RUNX1: variants seen among roughly 807,000 people sequenced by gnomAD.
RUNX1 encodes RUNX family transcription factor 1.
In RUNX1, 19 loss-of-function variants were observed where a neutral mutation model predicts 42.8. The observed-to-expected ratio is 0.44, with a 90% CI of 0.31 to 0.65. The LOEUF (loss-of-function observed/expected upper bound fraction) is 0.65, where lower values mean the gene tolerates loss of function less well. Ranked by LOEUF, RUNX1 falls within the 30% of genes least tolerant of loss-of-function variation. The pLI is 0.07. For missense variants in RUNX1, 528 were observed against 672.0 expected (o/e 0.79, Z 2.37); for synonymous variants, 271 against 289.4 (o/e 0.94, Z 0.64).
chr21:34,799,247 C>T (rs1286509977), intron 8 of RUNX1, 54 bp downstream of exon 8: 4 of 1,598,808 alleles, frequency 2.5e-6, no homozygotes, highest in Non-Finnish European at 3.4e-6. Flanking sequence ...CCTCTAGTCT[C>T]CTGGACCTTC....
chr21:34,910,503 T>C (rs1329485990), intron 2 of RUNX1, among the ~76,000 whole-genome samples: 1 of 152,156 alleles, frequency 6.6e-6, no homozygotes, highest in Non-Finnish European at 1.5e-5. Context: ...AAAGCCACTG[T>C]CGGTTGCCCT....
chr21:34,832,795 GATT>G (rs2057082158), intron 7 of RUNX1, among the ~76,000 whole-genome samples: 1 of 152,080 alleles, frequency 6.6e-6, no homozygotes, highest in Non-Finnish European at 1.5e-5. Flanking sequence ...CATTATTAAT[GATT>G]ATTATGTAAC....
chr21:34,919,327 T>C (rs1402564654), intron 2 of RUNX1, among the ~76,000 whole-genome samples: 1 of 152,222 alleles, frequency 6.6e-6, no homozygotes, highest in Admixed American at 6.5e-5. Context: ...ATCCCTGATC[T>C]GGTGACCAGT....
chr21:34,867,496 G>A (rs1431463829), intron 5 of RUNX1, among the ~76,000 whole-genome samples: 2 of 152,232 alleles, frequency 1.3e-5, no homozygotes, highest in East Asian at 3.9e-4. Context: ...CCTTTACAAC[G>A]TCGAATTTCA....
chr21:35,010,681 A>AC (rs1378446049), intron 2 of RUNX1, among the ~76,000 whole-genome samples: 2 of 151,992 alleles, frequency 1.3e-5, no homozygotes, highest in Non-Finnish European at 2.9e-5. Context: ...ACAGGAAACT[A>AC]CCCCAGGCCA....
intron 4 of RUNX1, among the ~76,000 whole-genome samples, chr21:34,886,015 A>T (rs1198828049): frequency 6.6e-6 from 1 of 152,224 alleles, no homozygotes; most frequent in Admixed American, 6.5e-5. Flanking sequence ...TTTGGGGATG[A>T]TCAGGGGTGA....
At chr21:34,973,280 A>T (rs2058775842) in intron 2 of RUNX1, among the ~76,000 whole-genome samples, 1 of 152,144 alleles carries the variant, frequency 6.6e-6, no homozygotes, top group South Asian at 2.1e-4. Flanking sequence ...GGTGTATTTG[A>T]TTGTCTCCCT....
chr21:34,889,770 C>T, intron 3 of RUNX1: 5 of 1,149,724 alleles, frequency 4.3e-6, no homozygotes, highest in Non-Finnish European at 5.4e-6. Context: ...CGCCCCCGGT[C>T]CGGCGTGCGC....
chr21:34,793,852 C>CG (rs1303394934), intron 8 of RUNX1, among the ~76,000 whole-genome samples: 5 of 151,732 alleles, frequency 3.3e-5, no homozygotes, highest in African/African-American at 1.2e-4. Flanking sequence ...TACAGGCGCC[C>CG]GCCACCAGGC....
At chr21:34,890,370 T>A (rs2058066772) in intron 3 of RUNX1, among the ~76,000 whole-genome samples, 1 of 152,118 alleles carries the variant, frequency 6.6e-6, no homozygotes, top group Admixed American at 6.5e-5. Context: ...AGAGCCCACT[T>A]GAGCTGGAAC....
chr21:34,948,922 G>A (rs2058586062), intron 2 of RUNX1, among the ~76,000 whole-genome samples: 1 of 151,950 alleles, frequency 6.6e-6, no homozygotes, highest in African/African-American at 2.4e-5. Flanking sequence ...CTTTTTGTGT[G>A]TGTGTGTATT....
At chr21:34,818,544 C>T (rs2056863927) in intron 7 of RUNX1, among the ~76,000 whole-genome samples, 1 of 152,082 alleles carries the variant, frequency 6.6e-6, no homozygotes, top group Admixed American at 6.5e-5. Context: ...TAACAAGGCC[C>T]TCATTGTCTC....
At chr21:34,889,280 C>A (rs915586483) in intron 3 of RUNX1, among the ~76,000 whole-genome samples, 1 of 152,110 alleles carries the variant, frequency 6.6e-6, no homozygotes, top group African/African-American at 2.4e-5. Flanking sequence ...CACCGTCCGG[C>A]TGGCAGCTGC....
chr21:34,825,999 T>G (rs1287243635), intron 7 of RUNX1, among the ~76,000 whole-genome samples: 1 of 152,238 alleles, frequency 6.6e-6, no homozygotes, highest in African/African-American at 2.4e-5. Flanking sequence ...GCCAACACTT[T>G]GATTTTGGAC....
intron 2 of RUNX1, among the ~76,000 whole-genome samples, chr21:34,984,041 A>G (rs2058866747): frequency 6.6e-6 from 1 of 152,188 alleles, no homozygotes; most frequent in African/African-American, 2.4e-5. Flanking sequence ...ATTGAAAATA[A>G]GGCCAGCACC....
intron 6 of RUNX1, among the ~76,000 whole-genome samples, chr21:34,854,539 C>T (rs927206441): frequency 1.3e-5 from 2 of 150,662 alleles, no homozygotes; most frequent in East Asian, 1.9e-4. Flanking sequence ...GAGCCAAGAT[C>T]GCACCACTGC....
At chr21:34,795,063 A>G (rs181778299) in intron 8 of RUNX1, among the ~76,000 whole-genome samples, 15 of 152,350 alleles carry the variant, frequency 9.8e-5, no homozygotes, top group Admixed American at 3.3e-4. Flanking sequence ...CAGCAAATCC[A>G]CAGACAGCAA....
chr21:34,827,236 G>A (rs1601402965), intron 7 of RUNX1, among the ~76,000 whole-genome samples: 1 of 152,198 alleles, frequency 6.6e-6, no homozygotes, highest in Non-Finnish European at 1.5e-5. Flanking sequence ...TAAGAGGGAT[G>A]AACTAGGATA....
rs1332806381 is a variant in RUNX1 at position 34,791,970 on chromosome 21, G to C, written c.*165C>G. 9 of 435,440 alleles carry C rather than the reference G, an allele frequency of 2.1e-5. No homozygotes were observed. The highest frequency in any genetic ancestry group is 2.5e-5 in the Non-Finnish European group (6 of 240,882). The allele number at this position is 435,440 out of a possible 1,614,324, so 27.0% of individuals were successfully genotyped here. A position where few individuals can be genotyped will look rare whatever the true frequency, so the allele number is the denominator to read the frequency against. ...GGCTTCTGGGCGCAGGAGGCTGCGC[G>C]GGCCTGACCTACAGCGAGATCCTGG... On this transcript the variant is annotated 3_prime_UTR_variant, in exon 9 of 9. Coordinates refer to ENST00000675419, the MANE Select transcript of RUNX1 (RefSeq NM_001754.5).
Sources: gnomAD v4.1 joint callset for allele counts (sites outside exome capture counted in the v4.1 genomes callset) on GRCh38, gnomAD v4.1.1 for gene constraint, MANE v1.5 for transcripts, NCBI Gene and HGNC (gene_info 2026-07-23, HGNC 2026-07-21) for gene names.